YPEL1: variants seen among roughly 807,000 people sequenced by gnomAD.
YPEL1 encodes the protein yippee like 1, also known as protein yippee-like 1.
YPEL1 carries 7 observed loss-of-function variants against 17.3 expected under a neutral mutation model. The observed-to-expected ratio is 0.40, with a 90% CI of 0.23 to 0.76. YPEL1 has a LOEUF of 0.76. YPEL1 is among the 30% of genes least tolerant of loss of function. YPEL1 has a pLI of 0.35. For missense variants in YPEL1, 91 were observed against 155.5 expected, an observed-to-expected ratio of 0.59 and a Z score of 2.21; for synonymous variants, 59 against 59.6, an observed-to-expected ratio of 0.99 and a Z score of 0.05.
At chr22:21,708,238 G>A (rs748981773) in intron 2 of YPEL1, among the ~76,000 whole-genome samples, 10 of 151,774 alleles carry the variant, frequency 6.6e-5, no homozygotes, top group Non-Finnish European at 1.0e-4. Flanking sequence ...ATCCTTCCTG[G>A]TGGCCTGTGT....
intron 1 of YPEL1, among the ~76,000 whole-genome samples, chr22:21,712,004 T>A (rs1057062992): frequency 4.6e-5 from 7 of 151,928 alleles, no homozygotes; most frequent in African/African-American, 1.7e-4. Flanking sequence ...CAATACCTCA[T>A]CTCAACTAAA....
In YPEL1 at chr22:21,703,621, C is replaced by G. The variant is rs1424780932; in HGVS notation, c.162-143G>C. On this transcript the variant is annotated intron_variant, in intron 3 of 4. Coordinates refer to ENST00000339468, the MANE Select transcript of YPEL1 (RefSeq NM_013313.5). The surrounding 1 kb of genome is among the most constrained non-coding windows in gnomAD (Gnocchi z 6.1). ...AGAGAGCAGTGCCGTGCCTCTCCCC[C>G]AGCCCTGCCCGCCACCACCATCAAT... 9.4e-6 allele frequency: 8 copies of G among 848,746 alleles called. No individual in the cohort carries two copies. The highest frequency in any genetic ancestry group is 4.9e-5 in the South Asian group (3 of 61,556). 52.6% of individuals were successfully genotyped at this position (848,746 alleles called of 1,614,324 possible). A position where few individuals can be genotyped will look rare whatever the true frequency, so the allele number is the denominator to read the frequency against.
intron 1 of YPEL1, among the ~76,000 whole-genome samples, chr22:21,721,396 C>T (rs925274945): frequency 6.8e-6 from 1 of 146,530 alleles, no homozygotes; most frequent in African/African-American, 2.5e-5. Context: ...GAGATTACAG[C>T]AGTGAGCCAC....
At chr22:21,718,382 G>A (rs754217080) in intron 1 of YPEL1, among the ~76,000 whole-genome samples, 4 of 151,740 alleles carry the variant, frequency 2.6e-5, no homozygotes, top group African/African-American at 4.8e-5. Context: ...GGAGAATGGC[G>A]TGAACTCAGG....
rs1218379325 is a variant in YPEL1 at position 21,703,444 on chromosome 22, C to A, written c.196G>T (p.Val66Phe). The change falls in exon 4 of 5, where the codon GTC (valine) becomes TTC (phenylalanine). Residue 66 changes from valine to phenylalanine, a missense_variant. Coordinates refer to ENST00000339468, the MANE Select transcript of YPEL1 (RefSeq NM_013313.5). The surrounding 1 kb of genome is among the most constrained non-coding windows in gnomAD (Gnocchi z 6.1). ...ACCGCATGCAGCCCGGTGAGAAGGA[C>A]CCTCTCCTCTGCAGGGCCGCAGCCC... is the stretch of plus-strand genomic sequence containing the variant. ...NVGCGPAEER[V>F]LLTGLHAVAD... The A allele has an allele frequency of 6.2e-7, 1 of 1,612,398 alleles. No individual in the cohort carries two copies. Among genetic ancestry groups the A allele is most frequent in the Non-Finnish European group, 8.5e-7 (1 of 1,179,980 alleles).
chr22:21,717,079 C>T lies in YPEL1; in HGVS notation c.-164-6171G>A, dbSNP rs573777996. On this transcript the variant is annotated intron_variant, in intron 1 of 4. Coordinates refer to ENST00000339468, the MANE Select transcript of YPEL1 (RefSeq NM_013313.5). ...ATAAATTATGCTGAATAAAGAAGAGCGAGAGGCCGGGCGCGCTGGCTCACG... is the reference window on the plus strand; with the variant it reads ...ATAAATTATGCTGAATAAAGAAGAGTGAGAGGCCGGGCGCGCTGGCTCACG... Among the ~76,000 whole-genome samples, 17 of 146,360 alleles carry T rather than the reference C, an allele frequency of 1.2e-4. No homozygotes were observed. In the East Asian group the frequency reaches 1.3e-3, roughly 11 times the overall value.
intron 1 of YPEL1, among the ~76,000 whole-genome samples, chr22:21,725,256 G>A (rs2068323809): frequency 7.8e-6 from 1 of 127,612 alleles, no homozygotes; most frequent in Admixed American, 8.2e-5. Flanking sequence ...GTCTCACTCT[G>A]TCGCCCAGGC....
At chr22:21,704,370 A>G (rs2068096697) in intron 2 of YPEL1, among the ~76,000 whole-genome samples, 5 of 152,222 alleles carry the variant, frequency 3.3e-5, no homozygotes, top group Non-Finnish European at 7.3e-5. Context: ...TAAAAGTCAC[A>G]GCATGGCTGA....
In YPEL1 at chr22:21,703,510, G is replaced by A; in HGVS notation, c.162-32C>T. ...GGACAGAGGGGCCACTGCGCTGCAG[G>A]CCCGGCCCGCCCCTGACCAGGCCCT... On this transcript the variant is annotated intron_variant, in intron 3 of 4. Transcript: ENST00000339468. This position sits in a 1 kb window ranked among gnomAD's most constrained non-coding sequence, Gnocchi z 6.1. 3 of 1,579,558 alleles carry A rather than the reference G, an allele frequency of 1.9e-6. No homozygotes were observed. The highest frequency in any genetic ancestry group is 2.6e-6 in the Non-Finnish European group (3 of 1,160,812).
At chr22:21,716,152 G>C (rs578147222) in intron 1 of YPEL1, among the ~76,000 whole-genome samples, 83 of 152,112 alleles carry the variant, frequency 5.5e-4, no homozygotes, top group African/African-American at 2.0e-3. Context: ...CAAGTGATCT[G>C]CCTGCCCCGG....
At chr22:21,705,333 T>TAGG (rs955504802) in intron 2 of YPEL1, among the ~76,000 whole-genome samples, 1 of 152,166 alleles carries the variant, frequency 6.6e-6, no homozygotes, top group African/African-American at 2.4e-5. Flanking sequence ...GGTGAGCTGG[T>TAGG]AAGAGATGCT....
At position 21,703,716 on chromosome 22, in the gene YPEL1, G is replaced by GGGC; in HGVS notation, c.161+122_161+123insGCC. On this transcript the variant is annotated intron_variant, in intron 3 of 4. Transcript: ENST00000339468. This position sits in a 1 kb window ranked among gnomAD's most constrained non-coding sequence, Gnocchi z 6.1. ...CGCGTTTCAGAAACTCCCGGCGGGG[G>GGGC]GATGGTGGGTTCTTTCAGGACCCCT... is the stretch of plus-strand genomic sequence containing the variant. The GGGC allele has an allele frequency of 8.8e-7, 1 of 1,133,448 alleles. No individual in the cohort carries two copies. Among genetic ancestry groups the GGGC allele is most frequent in the Non-Finnish European group, 1.3e-6 (1 of 798,144 alleles). The allele number at this position is 1,133,448 out of a possible 1,614,324, so 70.2% of individuals were successfully genotyped here. A position where few individuals can be genotyped will look rare whatever the true frequency, so the allele number is the denominator to read the frequency against.
rs191632194 is a variant in YPEL1 at position 21,701,250 on chromosome 22, A to G, written c.271-32T>C. The G allele has an allele frequency of 5.7e-6, 9 of 1,569,910 alleles. No individual in the cohort carries two copies. In the East Asian group the frequency reaches 1.3e-4, roughly 23 times the overall value. On this transcript the variant is annotated intron_variant, in intron 4 of 4. Transcript: ENST00000339468. ...AAAGAAGAGACAAAGGTTTCAGGACAGAAGGTTTCACTTTTCAATTTCATC... is the reference window on the plus strand; with the variant it reads ...AAAGAAGAGACAAAGGTTTCAGGACGGAAGGTTTCACTTTTCAATTTCATC...
Position 21,725,856 on chromosome 22 carries a change from G to A in YPEL1, c.-165+9759C>T, listed in dbSNP as rs142129597. On this transcript the variant is annotated intron_variant, in intron 1 of 4. Transcript: ENST00000339468. ...AAAGGAAAAAAAAAAAAAAATAGCC[G>A]GGCACGGTGGCACATGCCTGTGGTC... Among the ~76,000 whole-genome samples, 1,412 of 151,864 alleles carry A rather than the reference G, an allele frequency of 9.3e-3. 18 individuals carry two copies. The highest frequency in any genetic ancestry group is 0.029 in the African/African-American group (1,216 of 41,410).
intron 1 of YPEL1, among the ~76,000 whole-genome samples, chr22:21,729,467 G>T (rs1207089867): frequency 6.6e-6 from 1 of 151,562 alleles, no homozygotes. Context: ...AAATGAGCTG[G>T]GTGTGCACCT....
intron 1 of YPEL1, among the ~76,000 whole-genome samples, chr22:21,713,654 C>T (rs1329153935): frequency 6.6e-6 from 1 of 152,000 alleles, no homozygotes; most frequent in African/African-American, 2.4e-5. Context: ...TGGAGGGTGG[C>T]GATGGCTGTA....
intron 1 of YPEL1, among the ~76,000 whole-genome samples, chr22:21,735,082 A>G (rs777513621): frequency 5.9e-5 from 9 of 152,112 alleles, no homozygotes; most frequent in Non-Finnish European, 1.2e-4. Flanking sequence ...GGGGAGGCGG[A>G]CCCTGTTTAG....
intron 2 of YPEL1, among the ~76,000 whole-genome samples, chr22:21,709,900 G>A (rs1601628503): frequency 2.0e-5 from 3 of 150,914 alleles, no homozygotes; most frequent in South Asian, 2.1e-4. Flanking sequence ...CCTGAGGATC[G>A]GTGGTCATGA....
At chr22:21,727,405 T>C (rs1234494871) in intron 1 of YPEL1, among the ~76,000 whole-genome samples, 4 of 152,172 alleles carry the variant, frequency 2.6e-5, no homozygotes, top group Non-Finnish European at 5.9e-5. Flanking sequence ...CTGAAGTAAG[T>C]AACTGAAAGG....
Sources: gnomAD v4.1 joint callset for allele counts (sites outside exome capture counted in the v4.1 genomes callset) on GRCh38, gnomAD v4.1.1 for gene constraint, Gnocchi (gnomAD v3.1) non-coding constraint, MANE v1.5 for transcripts, NCBI Gene and HGNC (gene_info 2026-07-23, HGNC 2026-07-21) for gene names.